ASXL2: variants seen among roughly 807,000 people sequenced by gnomAD.
The protein encoded by ASXL2 is ASXL transcriptional regulator 2, also known as putative Polycomb group protein ASXL2.
ASXL2 carries 23 observed loss-of-function variants against 122.0 expected under a neutral mutation model. The ratio of observed to expected loss-of-function variants is 0.19; its 90% CI spans 0.14 to 0.27. The LOEUF (loss-of-function observed/expected upper bound fraction) is 0.27. Ranked by LOEUF, ASXL2 falls within the 10% of genes least tolerant of loss-of-function variation. The probability of loss-of-function intolerance (pLI) is 1.00; values close to 1 mark genes in which losing one functional copy is unlikely to be tolerated. For missense variants in ASXL2, 1,518 were observed against 1,713.8 expected (o/e 0.89, Z 2.02); for synonymous variants, 650 against 637.0 (o/e 1.02, Z -0.31).
intron 12 of ASXL2, among the ~76,000 whole-genome samples, chr2:25,748,020 T>C (rs2087971074): frequency 6.7e-6 from 1 of 148,784 alleles, no homozygotes; most frequent in Non-Finnish European, 1.5e-5. Flanking sequence ...TTTGTAAACA[T>C]ACAAAAATTA....
intron 5 of ASXL2, among the ~76,000 whole-genome samples, chr2:25,777,438 G>A (rs562664247): frequency 4.6e-5 from 7 of 151,936 alleles, no homozygotes; most frequent in South Asian, 2.1e-4. Flanking sequence ...CCAGGAGTTC[G>A]ACACCAGCCT....
At chr2:25,769,363 T>C (rs2088407850) in intron 6 of ASXL2, among the ~76,000 whole-genome samples, 1 of 152,200 alleles carries the variant, frequency 6.6e-6, no homozygotes, top group African/African-American at 2.4e-5. Flanking sequence ...TACAATATTT[T>C]TACAGAAGTT....
intron 1 of ASXL2, among the ~76,000 whole-genome samples, chr2:25,858,283 T>C (rs1264382710): frequency 1.1e-4 from 17 of 152,106 alleles, no homozygotes; most frequent in Admixed American, 7.2e-4. Context: ...CCTTATCCTA[T>C]ATAGCGAAAG....
At chr2:25,856,477 T>C in intron 1 of ASXL2, 1 of 1,037,310 alleles carries the variant, frequency 9.6e-7, no homozygotes. Flanking sequence ...GGCCTTCGGG[T>C]TACGGAACTT....
intron 1 of ASXL2, among the ~76,000 whole-genome samples, chr2:25,863,792 G>C (rs1002561312): frequency 1.3e-5 from 2 of 151,850 alleles, no homozygotes; most frequent in Non-Finnish European, 1.5e-5. Flanking sequence ...GATCACTTGA[G>C]GTCGGGAGTT....
chr2:25,740,642 A>G lies in ASXL2; in HGVS notation c.*1387T>C, dbSNP rs1248742041. The G allele has an allele frequency of 8.8e-6, 2 of 227,700 alleles. No individual in the cohort carries two copies. Among genetic ancestry groups the G allele is most frequent in the African/African-American group, 4.4e-5 (2 of 45,090 alleles). The allele number at this position is 227,700 out of a possible 1,614,324, so 14.1% of individuals were successfully genotyped here. A position where few individuals can be genotyped will look rare whatever the true frequency, so the allele number is the denominator to read the frequency against. On this transcript the variant is annotated 3_prime_UTR_variant, in exon 13 of 13. Coordinates refer to ENST00000435504, the MANE Select transcript of ASXL2 (RefSeq NM_018263.6). ...GGATTTAAAAACAAAAAAGGAAACA[A>G]GAAAGAAAAAGAAACAAAAACAAGC...
chr2:25,759,500 G>C lies in ASXL2; in HGVS notation c.921C>G (p.Leu307=), dbSNP rs1032569671. The C allele has an allele frequency of 6.2e-7, 1 of 1,613,840 alleles. No homozygotes were observed. Among genetic ancestry groups the C allele is most frequent in the African/African-American group, 1.3e-5 (1 of 75,042 alleles). Residue 307 remains leucine (L), a synonymous_variant, in exon 9 of 13, where the codon CTC becomes CTG. Transcript: ENST00000435504. ...GACGCACCTGTCGATCTACCTCTGG[G>C]AGTAGTAAAAGCAGTCGTTGCTGGC... ...GDCQQRLLLL[L]PEVDRQVGPD...
chr2:25,850,802 T>C (rs573491379), intron 1 of ASXL2, among the ~76,000 whole-genome samples: 2 of 152,300 alleles, frequency 1.3e-5, no homozygotes, highest in South Asian at 2.1e-4. Flanking sequence ...CTTCTAAAAA[T>C]AGATGCTTTC....
intron 5 of ASXL2, among the ~76,000 whole-genome samples, chr2:25,779,995 G>A (rs924517477): frequency 2.6e-5 from 4 of 152,134 alleles, no homozygotes; most frequent in Non-Finnish European, 5.9e-5. Flanking sequence ...AGCCTCCTGA[G>A]TAGCTGGGAT....
intron 3 of ASXL2, among the ~76,000 whole-genome samples, chr2:25,834,864 C>T (rs911809884): frequency 3.9e-5 from 6 of 152,102 alleles, no homozygotes; most frequent in African/African-American, 1.4e-4. Context: ...GCTGTGTTGC[C>T]CAGGCTAGAG....
At chr2:25,759,049 G>C (rs1219503764) in intron 9 of ASXL2, among the ~76,000 whole-genome samples, 1 of 152,048 alleles carries the variant, frequency 6.6e-6, no homozygotes, top group Non-Finnish European at 1.5e-5. Context: ...CTGCCTCCCA[G>C]GTTCAAGCGA....
chr2:25,811,493 T>G (rs941964447), intron 3 of ASXL2, among the ~76,000 whole-genome samples: 1 of 151,998 alleles, frequency 6.6e-6, no homozygotes, highest in Non-Finnish European at 1.5e-5. Flanking sequence ...TAAGAAGATA[T>G]TCTTTAGGAA....
At chr2:25,839,209 T>C (rs914907556) in intron 2 of ASXL2, among the ~76,000 whole-genome samples, 1 of 152,220 alleles carries the variant, frequency 6.6e-6, no homozygotes, top group Non-Finnish European at 1.5e-5. Flanking sequence ...ATCATTGGTA[T>C]TTATGTAACA....
intron 3 of ASXL2, among the ~76,000 whole-genome samples, chr2:25,832,566 T>C (rs866616505): frequency 6.6e-6 from 1 of 151,510 alleles, no homozygotes; most frequent in Non-Finnish European, 1.5e-5. Flanking sequence ...ATTGGCAGCA[T>C]GGGCCAAAAA....
At chr2:25,862,496 G>C (rs1026805565) in intron 1 of ASXL2, among the ~76,000 whole-genome samples, 1 of 152,112 alleles carries the variant, frequency 6.6e-6, no homozygotes. Flanking sequence ...GGAAAAATTA[G>C]TCAAAAAATA....
At chr2:25,768,656 AATG>A in intron 7 of ASXL2, 83 bp downstream of exon 7, 2 of 1,415,076 alleles carry the variant, frequency 1.4e-6, no homozygotes, top group East Asian at 4.6e-5. Context: ...TTTAAAAATA[AATG>A]ATGTCATAAA....
At chr2:25,874,116 G>A (rs2089991151) in intron 1 of ASXL2, among the ~76,000 whole-genome samples, 2 of 152,142 alleles carry the variant, frequency 1.3e-5, no homozygotes, top group Non-Finnish European at 2.9e-5. Context: ...GGCTGAGGCA[G>A]GCAGATCACT....
intron 3 of ASXL2, among the ~76,000 whole-genome samples, chr2:25,807,667 AT>A (rs1233613662): frequency 1.3e-5 from 2 of 152,184 alleles, no homozygotes; most frequent in Non-Finnish European, 2.9e-5. Context: ...CTTAGCCACT[AT>A]TATTGAAGTA....
intron 5 of ASXL2, among the ~76,000 whole-genome samples, chr2:25,799,022 G>C (rs550823452): frequency 2.6e-5 from 4 of 152,280 alleles, no homozygotes; most frequent in Admixed American, 6.5e-5. Flanking sequence ...AATGTGGCTA[G>C]TGGGGAAGGC....
Sources: allele counts gnomAD v4.1 joint callset (sites outside exome capture counted in the v4.1 genomes callset), GRCh38; gene constraint gnomAD v4.1.1; transcripts MANE v1.5; gene names NCBI Gene and HGNC (gene_info 2026-07-23, HGNC 2026-07-21).